LRRC4C: variants seen among roughly 807,000 people sequenced by gnomAD.
LRRC4C encodes the protein leucine-rich repeat-containing protein 4C.
Under a neutral mutation model 33.6 loss-of-function variants are expected in LRRC4C, and 5 were observed. That is an observed-to-expected ratio of 0.15 (90% CI 0.08 to 0.31). LRRC4C has a LOEUF of 0.31. Ranked by LOEUF, LRRC4C falls within the 10% of genes least tolerant of loss-of-function variation. The pLI, the probability that LRRC4C is intolerant of heterozygous loss-of-function variation, is 1.00. For synonymous variants in LRRC4C, 329 were observed against 302.0 expected (o/e 1.09, Z -0.93); for missense variants, 560 against 796.7 (o/e 0.70, Z 3.58).
intron 2 of LRRC4C, among the ~76,000 whole-genome samples, chr11:40,855,590 TG>T: frequency 6.6e-6 from 1 of 152,294 alleles, no homozygotes; most frequent in East Asian, 1.9e-4. Flanking sequence ...AAAATCTCCA[TG>T]GGACAGTAAT....
At chr11:41,246,077 C>A (rs926801977) in intron 1 of LRRC4C, among the ~76,000 whole-genome samples, 37 of 152,156 alleles carry the variant, frequency 2.4e-4, no homozygotes, top group African/African-American at 8.7e-4. Context: ...TAGGATTTCA[C>A]CAGGGACCTG....
At chr11:40,761,468 A>G (rs1415020708) in intron 2 of LRRC4C, among the ~76,000 whole-genome samples, 1 of 152,102 alleles carries the variant, frequency 6.6e-6, no homozygotes, top group African/African-American at 2.4e-5. Flanking sequence ...CTGCAACCTC[A>G]GCTTTTCTGT....
At chr11:40,914,458 C>T (rs1956849618) in intron 2 of LRRC4C, among the ~76,000 whole-genome samples, 1 of 152,300 alleles carries the variant, frequency 6.6e-6, no homozygotes, top group East Asian at 1.9e-4. Context: ...ACATGATTAT[C>T]TCAATAGGTG....
At chr11:40,354,654 G>A (rs1400356702) in intron 3 of LRRC4C, among the ~76,000 whole-genome samples, 1 of 152,072 alleles carries the variant, frequency 6.6e-6, no homozygotes, top group Non-Finnish European at 1.5e-5. Flanking sequence ...GGCTACTGCC[G>A]ATGTCCATCC....
At chr11:40,266,450 G>C (rs1438208575) in intron 4 of LRRC4C, among the ~76,000 whole-genome samples, 2 of 152,156 alleles carry the variant, frequency 1.3e-5, no homozygotes, top group Admixed American at 1.3e-4. Flanking sequence ...CTGGATGACA[G>C]AGTGAGACCC....
intron 5 of LRRC4C, among the ~76,000 whole-genome samples, chr11:40,195,441 TG>T: frequency 6.6e-6 from 1 of 152,182 alleles, no homozygotes; most frequent in Non-Finnish European, 1.5e-5. Flanking sequence ...GGGTTGAGAT[TG>T]GGGTGAGAGA....
intron 3 of LRRC4C, among the ~76,000 whole-genome samples, chr11:40,585,547 G>A (rs1426418410): frequency 2.0e-5 from 3 of 147,564 alleles, no homozygotes; most frequent in Non-Finnish European, 1.5e-5. Flanking sequence ...ATGTATACAC[G>A]TGCCATGCTG....
chr11:41,326,099 G>A (rs894754832), intron 1 of LRRC4C, among the ~76,000 whole-genome samples: 10 of 150,796 alleles, frequency 6.6e-5, no homozygotes, highest in African/African-American at 2.2e-4. Context: ...CAGTGGAATG[G>A]GAGAGGCAGA....
chr11:40,142,756 G>A (rs899545038), intron 5 of LRRC4C, among the ~76,000 whole-genome samples: 11 of 151,912 alleles, frequency 7.2e-5, no homozygotes, highest in Non-Finnish European at 1.6e-4. Flanking sequence ...CTCTCTAGGT[G>A]GTCGTATAAT....
At chr11:40,864,149 A>G (rs1954238901) in intron 2 of LRRC4C, among the ~76,000 whole-genome samples, 1 of 152,060 alleles carries the variant, frequency 6.6e-6, no homozygotes, top group Admixed American at 6.6e-5. Context: ...GCTCACTGCA[A>G]TCTCCACCTC....
At chr11:40,439,239 C>T (rs1951282024) in intron 3 of LRRC4C, among the ~76,000 whole-genome samples, 2 of 151,560 alleles carry the variant, frequency 1.3e-5, no homozygotes, top group Non-Finnish European at 2.9e-5. Flanking sequence ...TGGGCCTGGC[C>T]TATAAGTTGC....
At chr11:40,691,472 G>C (rs751186453) in intron 2 of LRRC4C, among the ~76,000 whole-genome samples, 1 of 152,080 alleles carries the variant, frequency 6.6e-6, no homozygotes, top group Non-Finnish European at 1.5e-5. Context: ...GTATTATTAT[G>C]CCTTCAGGCA....
At chr11:41,293,740 G>A (rs1950057049) in intron 1 of LRRC4C, among the ~76,000 whole-genome samples, 1 of 152,020 alleles carries the variant, frequency 6.6e-6, no homozygotes, top group South Asian at 2.1e-4. Flanking sequence ...TGGGATTACA[G>A]GTGCGTGCCA....
Position 41,034,464 on chromosome 11 carries a change from T to TATACACA in LRRC4C, c.-495-100742_-495-100741insTGTGTAT, listed in dbSNP as rs1244492321. ...CACACACACACACACACACCATATA[T>TATACACA]ATATATGTGTGTATATATATATATA... On this transcript the variant is annotated intron_variant, in intron 1 of 6. Transcript: ENST00000528697. Among the ~76,000 whole-genome samples the TATACACA allele has an allele frequency of 8.7e-3, 1,269 of 146,092 alleles. 19 individuals carry two copies. The highest frequency in any genetic ancestry group is 0.03 in the African/African-American group (1,177 of 39,238).
At chr11:40,569,686 T>A (rs60141482) in intron 3 of LRRC4C, among the ~76,000 whole-genome samples, 2,333 of 152,222 alleles carry the variant, frequency 0.015, 66 homozygotes, top group African/African-American at 0.054. Context: ...ATATAAATCA[T>A]CTTCTAGCAC....
Position 40,165,441 on chromosome 11 carries a change from A to G in LRRC4C, c.-95-24588T>C, listed in dbSNP as rs552878259. ...TGTACAAAAGGCTTGAAGGAGATGA[A>G]GAAAACACAAATTATCCTCTTCAAA... On this transcript the variant is annotated intron_variant, in intron 5 of 6. Coordinates refer to ENST00000528697, the MANE Select transcript of LRRC4C (RefSeq NM_001258419.2). Among the ~76,000 whole-genome samples the G allele has an allele frequency of 1.1e-4, 16 of 152,288 alleles. No individual in the cohort carries two copies. The South Asian group carries it at 3.3e-3, about 32-fold the overall frequency.
intron 1 of LRRC4C, among the ~76,000 whole-genome samples, chr11:41,180,857 TG>T (rs1162493095): frequency 1.3e-5 from 2 of 151,928 alleles, no homozygotes; most frequent in Non-Finnish European, 2.9e-5. Context: ...ATCAAAAATG[TG>T]GTACAAAATG....
chr11:40,332,291 G>A (rs1228899097), intron 3 of LRRC4C, among the ~76,000 whole-genome samples: 1 of 152,086 alleles, frequency 6.6e-6, no homozygotes, highest in Non-Finnish European at 1.5e-5. Context: ...GTAACTCCAC[G>A]CATCCCTTGG....
intron 2 of LRRC4C, among the ~76,000 whole-genome samples, chr11:40,732,559 C>A (rs1240255754): frequency 1.3e-5 from 2 of 152,112 alleles, no homozygotes; most frequent in Non-Finnish European, 2.9e-5. Flanking sequence ...CCCTAGAAGG[C>A]ATGCTAGAAG....
Sources: gnomAD v4.1 joint callset for allele counts (sites outside exome capture counted in the v4.1 genomes callset) on GRCh38, gnomAD v4.1.1 for gene constraint, MANE v1.5 for transcripts, NCBI Gene and HGNC (gene_info 2026-07-23, HGNC 2026-07-21) for gene names.